Variants in GREB1L observed in about 807,000 individuals in gnomAD.
GREB1L encodes GREB1 like retinoic acid receptor coactivator.
In GREB1L, 17 loss-of-function variants were observed where a neutral mutation model predicts 200.8. The ratio of observed to expected loss-of-function variants is 0.08; its 90% CI spans 0.06 to 0.13. The LOEUF is 0.13. GREB1L is among the 10% of genes least tolerant of loss of function. The pLI, the probability that GREB1L is intolerant of heterozygous loss-of-function variation, is 1.00. For missense variants in GREB1L, 1,657 were observed against 2,367.7 expected (o/e 0.70, Z 6.23); for synonymous variants, 789 against 893.0 (o/e 0.88, Z 2.08).
chr18:21,428,332 C>CTTTTTTTTTTTTTTTTTTTTTTTTTT (rs59982674), intron 7 of GREB1L, among the ~76,000 whole-genome samples: 3 of 54,028 alleles, frequency 5.6e-5, no homozygotes, highest in Non-Finnish European at 7.1e-5. Flanking sequence ...GTCTTTTTGT[C>CTTTTTTTTTTTTTTTTTTTTTTTTTT]TTTTTTTTTT....
At chr18:21,365,115 AT>A (rs1190038430) in intron 1 of GREB1L, among the ~76,000 whole-genome samples, 1 of 152,070 alleles carries the variant, frequency 6.6e-6, no homozygotes. Context: ...AAAATCTAAA[AT>A]TTTTTTTCTT....
At chr18:21,242,847 A>G (rs1469936335) in intron 1 of GREB1L, among the ~76,000 whole-genome samples, 2 of 151,828 alleles carry the variant, frequency 1.3e-5, no homozygotes, top group Non-Finnish European at 2.9e-5. Flanking sequence ...AGGGGCAGTG[A>G]GGGGGTGCCG....
intron 17 of GREB1L, among the ~76,000 whole-genome samples, chr18:21,484,346 T>G (rs1254661093): frequency 6.6e-6 from 1 of 151,860 alleles, no homozygotes; most frequent in Non-Finnish European, 1.5e-5. Context: ...GGCTAATTTT[T>G]GTATTTTCGG....
At chr18:21,266,935 G>GT (rs1415644816) in intron 1 of GREB1L, among the ~76,000 whole-genome samples, 6 of 151,994 alleles carry the variant, frequency 3.9e-5, no homozygotes, top group Non-Finnish European at 8.8e-5. Flanking sequence ...TTTTTTGTTT[G>GT]TTTTTTCGTT....
At position 21,482,202 on chromosome 18, in the gene GREB1L, GA is replaced by G. The variant is rs541772683; in HGVS notation, c.2557-3415del. 8.9e-4 allele frequency among the ~76,000 whole-genome samples: 136 copies of G among 152,210 alleles called. 2 individuals are homozygous for G. The highest frequency in any genetic ancestry group is 4.1e-4 in the South Asian group (2 of 4,830). On this transcript the variant is annotated intron_variant, in intron 17 of 32. Transcript: ENST00000424526. Reference sequence around the variant, plus strand: ...TTTATTCAGGGAGAGAGAAGAACCAGAAATATTTTTGAGGCGTTCCCTTTAG... The same window carrying G: ...TTTATTCAGGGAGAGAGAAGAACCAGAATATTTTTGAGGCGTTCCCTTTAG...
At chr18:21,336,359 C>T (rs1294127447) in intron 1 of GREB1L, among the ~76,000 whole-genome samples, 1 of 152,198 alleles carries the variant, frequency 6.6e-6, no homozygotes, top group Non-Finnish European at 1.5e-5. Flanking sequence ...CTGTGCTTGG[C>T]CATGTGAACC....
intron 1 of GREB1L, among the ~76,000 whole-genome samples, chr18:21,305,071 G>C (rs1319468099): frequency 6.6e-6 from 1 of 151,988 alleles, no homozygotes; most frequent in Non-Finnish European, 1.5e-5. Flanking sequence ...TTCCTCCTGG[G>C]TTCAAGCGAT....
intron 15 of GREB1L, among the ~76,000 whole-genome samples, chr18:21,459,500 T>C (rs903447304): frequency 2.0e-5 from 3 of 151,786 alleles, no homozygotes; most frequent in Non-Finnish European, 2.9e-5. Flanking sequence ...TGGCCAGGCT[T>C]GTCTTGAACT....
chr18:21,375,060 T>G (rs2143829734), intron 2 of GREB1L, among the ~76,000 whole-genome samples: 1 of 136,688 alleles, frequency 7.3e-6, no homozygotes, highest in Admixed American at 7.0e-5. Flanking sequence ...TTGTTTTGTT[T>G]TTTGTTTTTG....
intron 1 of GREB1L, among the ~76,000 whole-genome samples, chr18:21,319,635 A>C (rs2038922795): frequency 6.6e-6 from 1 of 152,204 alleles, no homozygotes; most frequent in South Asian, 2.1e-4. Context: ...TAAACCTCCA[A>C]CTTAGACTTT....
intron 16 of GREB1L, among the ~76,000 whole-genome samples, chr18:21,473,415 T>G (rs1473358041): frequency 6.6e-6 from 1 of 151,724 alleles, no homozygotes; most frequent in African/African-American, 2.4e-5. Context: ...GCTAAAAATA[T>G]AAAAATTAGC....
chr18:21,464,787 T>A (rs983741563), intron 15 of GREB1L, among the ~76,000 whole-genome samples: 3 of 152,006 alleles, frequency 2.0e-5, no homozygotes, highest in African/African-American at 7.3e-5. Context: ...TCAACCTGAG[T>A]CTGATCACAA....
chr18:21,292,277 A>G (rs1247077255), intron 1 of GREB1L, among the ~76,000 whole-genome samples: 1 of 152,212 alleles, frequency 6.6e-6, no homozygotes, highest in East Asian at 1.9e-4. Flanking sequence ...GTGCTGTGTT[A>G]GGAGGATAAA....
At chr18:21,456,638 G>C (rs1302340301) in intron 15 of GREB1L, among the ~76,000 whole-genome samples, 1 of 152,142 alleles carries the variant, frequency 6.6e-6, no homozygotes, top group Non-Finnish European at 1.5e-5. Context: ...CTGGTTGACA[G>C]TGCAGTCTTC....
chr18:21,475,844 C>T (rs1237661805), intron 16 of GREB1L, among the ~76,000 whole-genome samples: 2 of 151,728 alleles, frequency 1.3e-5, no homozygotes, highest in Non-Finnish European at 2.9e-5. Context: ...TGGCACATGC[C>T]TGTAATCCCA....
intron 21 of GREB1L, among the ~76,000 whole-genome samples, chr18:21,499,062 G>A (rs140114687): frequency 3.3e-5 from 5 of 152,300 alleles, no homozygotes; most frequent in East Asian, 1.9e-4. Context: ...CCTTGGAGTC[G>A]CATACGCCTA....
At chr18:21,501,733 C>T (rs1187940777) in intron 23 of GREB1L, among the ~76,000 whole-genome samples, 2 of 152,176 alleles carry the variant, frequency 1.3e-5, no homozygotes, top group Non-Finnish European at 2.9e-5. Flanking sequence ...CAGAGTATGT[C>T]TTATATTTTA....
chr18:21,503,769 G>A (rs1405943449), intron 23 of GREB1L, among the ~76,000 whole-genome samples: 1 of 149,476 alleles, frequency 6.7e-6, no homozygotes, highest in East Asian at 2.0e-4. Context: ...GTAAAGACAG[G>A]GTTTCACCAC....
intron 4 of GREB1L, among the ~76,000 whole-genome samples, chr18:21,389,015 C>A (rs2040673458): frequency 6.6e-6 from 1 of 151,992 alleles, no homozygotes; most frequent in Non-Finnish European, 1.5e-5. Context: ...GGAGTGTTAT[C>A]CCCACTCTCC....
Sources: gnomAD v4.1 joint callset for allele counts (sites outside exome capture counted in the v4.1 genomes callset) on GRCh38, gnomAD v4.1.1 for gene constraint, MANE v1.5 for transcripts, NCBI Gene and HGNC (gene_info 2026-07-23, HGNC 2026-07-21) for gene names.